Variants in NPFFR2 observed in about 807,000 individuals in gnomAD.
The protein encoded by NPFFR2 is G-protein coupled receptor 74.
Under a neutral mutation model 13.1 loss-of-function variants are expected in NPFFR2, and 15 were observed. The ratio of observed to expected loss-of-function variants is 1.15; its 90% CI spans 0.77 to 1.76. The LOEUF (loss-of-function observed/expected upper bound fraction) is 1.76, where lower values mean the gene tolerates loss of function less well. NPFFR2 is among the 40% of genes most tolerant of loss of function. The pLI is 0.00. For missense variants in NPFFR2, 572 were observed against 503.5 expected (o/e 1.14, Z -1.30); for synonymous variants, 190 against 175.7 (o/e 1.08, Z -0.65).
chr4:72,138,262 CTT>C, intron 3 of NPFFR2, 123 bp downstream of exon 3: 1 of 654,342 alleles, frequency 1.5e-6, no homozygotes, highest in South Asian at 1.9e-5. Context: ...ATATCTACCT[CTT>C]TTTTTAAATT....
chr4:72,147,982 A>G lies in NPFFR2; in HGVS notation c.*170A>G. 1 of 548,850 alleles carries G rather than the reference A, an allele frequency of 1.8e-6. No homozygotes were observed. The highest frequency in any genetic ancestry group is 3.2e-6 in the Non-Finnish European group (1 of 317,250). 34.0% of individuals were successfully genotyped at this position (548,850 alleles called of 1,614,324 possible). On this transcript the variant is annotated 3_prime_UTR_variant, in exon 4 of 4. Transcript: ENST00000308744. ...TAAACAAAAATGGTCATAAGATCATAAACAATCTTATGTTGTATAAAAATA... is the reference window on the plus strand; with the variant it reads ...TAAACAAAAATGGTCATAAGATCATGAACAATCTTATGTTGTATAAAAATA...
intron 1 of NPFFR2, among the ~76,000 whole-genome samples, chr4:72,042,981 C>T (rs1160060849): frequency 1.3e-5 from 2 of 152,186 alleles, no homozygotes; most frequent in East Asian, 3.9e-4. Context: ...GGCCCAGAGG[C>T]CTAGGAGGGA....
intron 3 of NPFFR2, 114 bp downstream of exon 3, chr4:72,138,253 T>A: frequency 1.5e-6 from 1 of 667,942 alleles, no homozygotes; most frequent in South Asian, 1.8e-5. Flanking sequence ...GTATTCACAA[T>A]ATCTACCTCT....
chr4:72,083,010 C>T (rs1395335118), intron 1 of NPFFR2, among the ~76,000 whole-genome samples: 2 of 151,996 alleles, frequency 1.3e-5, no homozygotes, highest in African/African-American at 4.8e-5. Flanking sequence ...AAAACAAAAC[C>T]TGAATAGTAT....
chr4:72,063,535 A>C (rs565453277), intron 1 of NPFFR2, among the ~76,000 whole-genome samples: 6 of 152,330 alleles, frequency 3.9e-5, no homozygotes, highest in African/African-American at 1.2e-4. Flanking sequence ...AAGTAGGATA[A>C]ATGTTATGAG....
chr4:72,103,747 G>A (rs139205371), intron 1 of NPFFR2, among the ~76,000 whole-genome samples: 2,718 of 152,082 alleles, frequency 0.018, 87 homozygotes, highest in African/African-American at 0.062. Flanking sequence ...AATAGAAAAT[G>A]TTACCCATTA....
intron 1 of NPFFR2, among the ~76,000 whole-genome samples, chr4:72,080,789 T>C (rs963692282): frequency 6.8e-6 from 1 of 146,818 alleles, no homozygotes; most frequent in East Asian, 1.9e-4. Flanking sequence ...GGGCCTTTAC[T>C]CTCAGAAAGA....
intron 1 of NPFFR2, among the ~76,000 whole-genome samples, chr4:72,107,317 A>G (rs1026702326): frequency 1.3e-5 from 2 of 150,744 alleles, no homozygotes; most frequent in African/African-American, 2.4e-5. Flanking sequence ...TAGATTTTAG[A>G]AATTCCTTGG....
intron 1 of NPFFR2, among the ~76,000 whole-genome samples, chr4:72,044,784 A>G (rs932035640): frequency 6.6e-6 from 1 of 151,678 alleles, no homozygotes; most frequent in African/African-American, 2.4e-5. Context: ...TTCCTTGTAT[A>G]TTCTGGATAT....
At chr4:72,073,651 G>A (rs1363925457) in intron 1 of NPFFR2, among the ~76,000 whole-genome samples, 2 of 151,700 alleles carry the variant, frequency 1.3e-5, no homozygotes, top group African/African-American at 4.8e-5. Context: ...TCTACATAAT[G>A]GTAGAGATGA....
intron 1 of NPFFR2, among the ~76,000 whole-genome samples, chr4:72,109,751 A>G (rs115815780): frequency 0.018 from 2,713 of 152,034 alleles, 87 homozygotes; most frequent in African/African-American, 0.062. Context: ...TCCCTTGACA[A>G]CAACAACAAG....
chr4:72,130,892 C>T (rs1333166318), intron 2 of NPFFR2, among the ~76,000 whole-genome samples: 1 of 152,056 alleles, frequency 6.6e-6, no homozygotes, highest in Non-Finnish European at 1.5e-5. Flanking sequence ...AGAATCAGGT[C>T]GCATGAACGA....
intron 1 of NPFFR2, among the ~76,000 whole-genome samples, chr4:72,052,113 G>GA (rs1719604196): frequency 2.6e-5 from 1 of 38,020 alleles, no homozygotes; most frequent in Non-Finnish European, 1.2e-4. Flanking sequence ...CCAATCAATA[G>GA]AAAAAGAGAG....
chr4:72,099,667 C>A (rs1245421036), intron 1 of NPFFR2, among the ~76,000 whole-genome samples: 1 of 152,126 alleles, frequency 6.6e-6, no homozygotes, highest in African/African-American at 2.4e-5. Flanking sequence ...GAAGAATCCA[C>A]CCTGATGACC....
intron 1 of NPFFR2, among the ~76,000 whole-genome samples, chr4:72,088,402 A>T (rs1720825705): frequency 6.6e-6 from 1 of 152,052 alleles, no homozygotes; most frequent in Non-Finnish European, 1.5e-5. Flanking sequence ...ATTTTAAAAA[A>T]ATTATTCAAA....
At chr4:72,080,008 C>A (rs1039519144) in intron 1 of NPFFR2, among the ~76,000 whole-genome samples, 2 of 152,120 alleles carry the variant, frequency 1.3e-5, no homozygotes, top group Admixed American at 1.3e-4. Context: ...AAGAAATGCA[C>A]ACTCTAGCTC....
intron 1 of NPFFR2, among the ~76,000 whole-genome samples, chr4:72,038,710 A>C (rs1719109555): frequency 6.6e-6 from 1 of 152,100 alleles, no homozygotes; most frequent in African/African-American, 2.4e-5. Context: ...GGAAAAACGA[A>C]AATAAAAAGT....
chr4:72,075,525 ACC>A (rs1720399769), intron 1 of NPFFR2, among the ~76,000 whole-genome samples: 1 of 152,108 alleles, frequency 6.6e-6, no homozygotes, highest in Non-Finnish European at 1.5e-5. Context: ...GGAGAGAACC[ACC>A]AGACAGAATT....
chr4:72,094,788 AGCC>A (rs1721013876), intron 1 of NPFFR2, among the ~76,000 whole-genome samples: 1 of 152,214 alleles, frequency 6.6e-6, no homozygotes, highest in Non-Finnish European at 1.5e-5. Context: ...TGCCCCACAG[AGCC>A]TGCAGCAACA....
Sources: gnomAD v4.1 joint callset for allele counts (sites outside exome capture counted in the v4.1 genomes callset) on GRCh38, gnomAD v4.1.1 for gene constraint, MANE v1.5 for transcripts, NCBI Gene and HGNC (gene_info 2026-07-23, HGNC 2026-07-21) for gene names.